NAV3: variants seen among roughly 807,000 people sequenced by gnomAD.
The protein encoded by NAV3 is pore membrane and/or filament interacting like protein 1.
A neutral mutation model predicts 244.7 loss-of-function variants in NAV3; 87 were observed. The observed-to-expected ratio is 0.36, with a 90% CI of 0.30 to 0.42. The LOEUF is 0.42. Ranked by LOEUF, NAV3 falls within the 20% of genes least tolerant of loss-of-function variation. The probability of loss-of-function intolerance (pLI) is 1.00; values close to 1 mark genes in which losing one functional copy is unlikely to be tolerated. For synonymous variants in NAV3, 1,126 were observed against 1,042.2 expected (o/e 1.08, Z -1.55); for missense variants, 2,663 against 2,893.3 (o/e 0.92, Z 1.83).
At chr12:77,762,451 A>C (rs1258068973) in intron 2 of NAV3, among the ~76,000 whole-genome samples, 2 of 152,070 alleles carry the variant, frequency 1.3e-5, no homozygotes, top group Non-Finnish European at 2.9e-5. Context: ...ATACAAAAAA[A>C]AATTAGCCAG....
chr12:77,718,524 G>GT (rs1319707642), intron 2 of NAV3, among the ~76,000 whole-genome samples: 1 of 152,012 alleles, frequency 6.6e-6, no homozygotes, highest in Non-Finnish European at 1.5e-5. Context: ...CTTTAGCTTT[G>GT]TTTTTCTTGC....
chr12:77,832,194 T>G (rs1205042509), intron 1 of NAV3, among the ~76,000 whole-genome samples: 1 of 152,234 alleles, frequency 6.6e-6, no homozygotes, highest in Non-Finnish European at 1.5e-5. Context: ...CATTGCAGTA[T>G]GAAGGAAAAT....
At chr12:77,593,683 C>T (rs1378272256) in intron 2 of NAV3, among the ~76,000 whole-genome samples, 1 of 147,506 alleles carries the variant, frequency 6.8e-6, no homozygotes, top group East Asian at 2.0e-4. Context: ...ACCATGTTGG[C>T]CAGGGTGGTA....
At chr12:78,052,351 T>C (rs1593400872) in intron 11 of NAV3, 1 of 152,226 alleles carries the variant, frequency 6.6e-6, no homozygotes, top group Admixed American at 6.5e-5. Flanking sequence ...AGACTAATTA[T>C]GATTAATTAA....
chr12:77,668,106 G>A (rs1432383552), intron 2 of NAV3, among the ~76,000 whole-genome samples: 1 of 152,172 alleles, frequency 6.6e-6, no homozygotes, highest in African/African-American at 2.4e-5. Flanking sequence ...ACCACATCAA[G>A]GGAGCATCCC....
chr12:77,765,360 C>T (rs190960261), intron 2 of NAV3, among the ~76,000 whole-genome samples: 7 of 152,304 alleles, frequency 4.6e-5, no homozygotes, highest in African/African-American at 1.7e-4. Flanking sequence ...ATCTAGGTAC[C>T]ATGCCAGTTA....
At chr12:78,111,968 C>T (rs1019981090) in intron 12 of NAV3, among the ~76,000 whole-genome samples, 2 of 152,072 alleles carry the variant, frequency 1.3e-5, no homozygotes, top group African/African-American at 2.4e-5. Flanking sequence ...TGGTGTTCCA[C>T]GTTGCAAACT....
intron 7 of NAV3, among the ~76,000 whole-genome samples, chr12:78,005,222 C>T (rs1873994251): frequency 1.3e-5 from 2 of 152,110 alleles, no homozygotes; most frequent in Admixed American, 1.3e-4. Context: ...TTAGGGGAAC[C>T]TGAAGAGTTT....
chr12:77,875,944 T>A (rs1031532750), intron 1 of NAV3, among the ~76,000 whole-genome samples: 9 of 152,180 alleles, frequency 5.9e-5, no homozygotes, highest in Admixed American at 5.2e-4. Context: ...GGGAGTAACT[T>A]TGTGGCTCAG....
At chr12:78,055,049 A>G (rs1235671978) in intron 11 of NAV3, among the ~76,000 whole-genome samples, 1 of 152,190 alleles carries the variant, frequency 6.6e-6, no homozygotes, top group Non-Finnish European at 1.5e-5. Flanking sequence ...GTATACATGT[A>G]TATGTCTATT....
rs112165225 is a variant in NAV3, at chr12:77,635,260, A to G, written c.72+62994A>G. Among the ~76,000 whole-genome samples the G allele has an allele frequency of 3.3e-3, 498 of 152,032 alleles. 2 individuals are homozygous for G. Among genetic ancestry groups the G allele is most frequent in the Non-Finnish European group, 5.9e-3 (398 of 67,968 alleles). ...AAAAAGAGAGAAATGTGGTCTTGCTATATTGCCTAGGTTGGCCTCATACTC... is the reference window on the plus strand; with the variant it reads ...AAAAAGAGAGAAATGTGGTCTTGCTGTATTGCCTAGGTTGGCCTCATACTC... On this transcript the variant is annotated intron_variant, in intron 2 of 8. Transcript: ENST00000550042.
chr12:77,991,477 G>A (rs1871430077), intron 5 of NAV3, among the ~76,000 whole-genome samples: 1 of 151,922 alleles, frequency 6.6e-6, no homozygotes, highest in Non-Finnish European at 1.5e-5. Context: ...ACATAAAAAG[G>A]GTACAAAGCA....
At chr12:78,182,060 T>A (rs768033728) in intron 30 of NAV3, among the ~76,000 whole-genome samples, 2 of 151,952 alleles carry the variant, frequency 1.3e-5, no homozygotes, top group African/African-American at 2.4e-5. Flanking sequence ...TGGTGGGGAT[T>A]AGAGAAAGAA....
chr12:77,773,628 T>C (rs1019896724), intron 2 of NAV3, among the ~76,000 whole-genome samples: 3 of 152,082 alleles, frequency 2.0e-5, no homozygotes, highest in African/African-American at 4.8e-5. Context: ...ATAGGACCTA[T>C]GAATAAATAT....
chr12:78,142,228 A>G (rs2139101473), intron 20 of NAV3, among the ~76,000 whole-genome samples: 1 of 152,218 alleles, frequency 6.6e-6, no homozygotes, highest in Middle Eastern at 3.4e-3. Flanking sequence ...CCCCATAAAT[A>G]CATACAACTA....
intron 12 of NAV3, among the ~76,000 whole-genome samples, chr12:78,082,068 A>C (rs1215753113): frequency 1.3e-5 from 2 of 152,140 alleles, no homozygotes; most frequent in East Asian, 3.9e-4. Flanking sequence ...TTCTTCTGCT[A>C]GTGAATAAGT....
At chr12:77,915,415 C>T (rs1887031688) in intron 1 of NAV3, among the ~76,000 whole-genome samples, 1 of 151,814 alleles carries the variant, frequency 6.6e-6, no homozygotes, top group Admixed American at 6.6e-5. Flanking sequence ...TTGTATAGCC[C>T]TCCAGAGATC....
intron 2 of NAV3, among the ~76,000 whole-genome samples, chr12:77,643,108 A>G (rs1872485686): frequency 1.3e-5 from 2 of 151,992 alleles, no homozygotes; most frequent in South Asian, 4.1e-4. Context: ...TTTCTCAACA[A>G]AAACATATTC....
intron 2 of NAV3, among the ~76,000 whole-genome samples, chr12:77,771,662 G>A (rs978119850): frequency 2.0e-5 from 3 of 151,806 alleles, no homozygotes; most frequent in Admixed American, 6.6e-5. Context: ...CTATCACAAG[G>A]ACAAAAAACC....
Sources: allele counts gnomAD v4.1 joint callset (sites outside exome capture counted in the v4.1 genomes callset), GRCh38; gene constraint gnomAD v4.1.1; transcripts MANE v1.5; gene names NCBI Gene and HGNC (gene_info 2026-07-23, HGNC 2026-07-21).